POU4F1: variants seen among roughly 807,000 people sequenced by gnomAD.
POU4F1 encodes POU class 4 homeobox 1.
In POU4F1, 5 loss-of-function variants were observed where a neutral mutation model predicts 19.8. The observed-to-expected ratio is 0.25, with a 90% CI of 0.13 to 0.53. The LOEUF (loss-of-function observed/expected upper bound fraction) is 0.53, where lower values mean the gene tolerates loss of function less well. Ranked by LOEUF, POU4F1 falls within the 20% of genes least tolerant of loss-of-function variation. POU4F1 has a pLI of 0.96. For synonymous variants in POU4F1, 266 were observed against 247.7 expected (o/e 1.07, Z -0.69); for missense variants, 408 against 511.6 (o/e 0.80, Z 1.95).
In POU4F1 at chr13:78,603,435, C is replaced by A; in HGVS notation, c.-109G>T. On this transcript the variant is annotated 5_prime_UTR_variant, in exon 1 of 2. Transcript: ENST00000377208. Reference sequence around the variant, plus strand: ...GAGGCTGCAGCCGCGGCGGTCGCGGCGGCTGGCGGCGGCCCCGCCGCGGGC... The same window carrying A: ...GAGGCTGCAGCCGCGGCGGTCGCGGAGGCTGGCGGCGGCCCCGCCGCGGGC... 5.9e-6 allele frequency: 8 copies of A among 1,354,800 alleles called. No homozygotes were observed. In the South Asian group the frequency reaches 1.5e-4, roughly 26 times the overall value. 83.9% of individuals were successfully genotyped at this position (1,354,800 alleles called of 1,614,324 possible).
At position 78,603,510 on chromosome 13, in the gene POU4F1, G is replaced by C. The variant is rs1874797651; in HGVS notation, c.-184C>G. On this transcript the variant is annotated 5_prime_UTR_variant, in exon 1 of 2. Coordinates refer to ENST00000377208, the MANE Select transcript of POU4F1 (RefSeq NM_006237.4). ...CAGGCGCTCCCTCTGACCGCGCAGAGCGCCGCGCGCCGGCCTCGCGGTCCC... is the reference window on the plus strand; with the variant it reads ...CAGGCGCTCCCTCTGACCGCGCAGACCGCCGCGCGCCGGCCTCGCGGTCCC... 5.1e-6 allele frequency: 5 copies of C among 970,982 alleles called. No individual in the cohort carries two copies. The highest frequency in any genetic ancestry group is 4.1e-4 in the Middle Eastern group (1 of 2,456). 60.1% of individuals were successfully genotyped at this position (970,982 alleles called of 1,614,324 possible). A position where few individuals can be genotyped will look rare whatever the true frequency, so the allele number is the denominator to read the frequency against.
chr13:78,601,547 C>T lies in POU4F1; in HGVS notation c.1128G>A (p.Val376=), dbSNP rs1231479480. The part of the protein sequence containing the change: ...EKRSLEAYFA[V]QPRPSSEKIA... ...TCTTCTCGGACGAGGGCCGGGGCTG[C>T]ACGGCGAAGTAGGCCTCGAGGGAGC... is the stretch of plus-strand genomic sequence containing the variant. The change falls in exon 2 of 2, where the codon GTG becomes GTA. Residue 376 remains valine (V), a synonymous_variant. Transcript: ENST00000377208. The T allele has an allele frequency of 6.2e-7, 1 of 1,613,832 alleles. No homozygotes were observed. The highest frequency in any genetic ancestry group is 2.2e-5 in the East Asian group (1 of 44,864).
chr13:78,603,478 C>T lies in POU4F1; in HGVS notation c.-152G>A. 2.5e-6 allele frequency: 3 copies of T among 1,213,960 alleles called. No individual in the cohort carries two copies. The highest frequency in any genetic ancestry group is 3.1e-6 in the Non-Finnish European group (3 of 964,446). 75.2% of individuals were successfully genotyped at this position (1,213,960 alleles called of 1,614,324 possible). On this transcript the variant is annotated 5_prime_UTR_variant, in exon 1 of 2. Transcript: ENST00000377208. ...CCGCGGGCTGCTGCTGCTGCTCCTG[C>T]TGCTGCCAGGCGCTCCCTCTGACCG...
chr13:78,603,245 T>C lies in POU4F1; in HGVS notation c.82A>G (p.Ser28Gly), dbSNP rs1195597220. 2 of 1,569,164 alleles carry C rather than the reference T, an allele frequency of 1.3e-6. No homozygotes were observed. The highest frequency in any genetic ancestry group is 1.7e-6 in the Non-Finnish European group (2 of 1,159,620). ...CAGGCCCGCCGGATGGCCTCGGAGCTGGAGTGCAGCGACGGGTACTTGTGC... is the reference window on the plus strand; with the variant it reads ...CAGGCCCGCCGGATGGCCTCGGAGCCGGAGTGCAGCGACGGGTACTTGTGC... The part of the protein sequence containing the change: ...PEHKYPSLHS[S>G]SEAIRRACLP... The change falls in exon 1 of 2, where the codon AGC becomes GGC. Residue 28 changes from serine to glycine, a missense_variant. Ser to Gly is a moderately conservative substitution (Grantham distance 56). This residue lies in a region of POU4F1 where 294 missense variants were observed against 288.2 expected (regional missense o/e 1.02). Coordinates refer to ENST00000377208, the MANE Select transcript of POU4F1 (RefSeq NM_006237.4).
Position 78,603,385 on chromosome 13 carries a change from C to A in POU4F1, c.-59G>T. On this transcript the variant is annotated 5_prime_UTR_variant, in exon 1 of 2. Coordinates refer to ENST00000377208, the MANE Select transcript of POU4F1 (RefSeq NM_006237.4). ...CCGAAAGTCCGCGGGAAAGTGCGTA[C>A]GCCGGCTCACCCGGCCTCCCTTCGG... 3 of 1,526,746 alleles carry A rather than the reference C, an allele frequency of 2.0e-6. No homozygotes were observed. The highest frequency in any genetic ancestry group is 4.0e-5 in the Admixed American group (2 of 50,280). 94.6% of individuals were successfully genotyped at this position (1,526,746 alleles called of 1,614,324 possible).
rs1874681027 is a variant in POU4F1 at position 78,601,235 on chromosome 13, A to C, written c.*180T>G. ...ACCCAGCACCCCAGTCCTCAAGGCT[A>C]GGGGACAGCAAAGGCAGGAAAATCA... On this transcript the variant is annotated 3_prime_UTR_variant, in exon 2 of 2. Coordinates refer to ENST00000377208, the MANE Select transcript of POU4F1 (RefSeq NM_006237.4). The C allele has an allele frequency of 2.1e-6, 2 of 938,470 alleles. No individual in the cohort carries two copies. Among genetic ancestry groups the C allele is most frequent in the Non-Finnish European group, 2.9e-6 (2 of 692,866 alleles). The allele number at this position is 938,470 out of a possible 1,614,324, so 58.1% of individuals were successfully genotyped here.
rs1359670108 is a variant in POU4F1, at chr13:78,598,861, G to C, written c.*2554C>G. The C allele has an allele frequency of 1.3e-5, 2 of 152,234 alleles. No homozygotes were observed. The highest frequency in any genetic ancestry group is 3.9e-4 in the East Asian group (2 of 5,174). The allele number at this position is 152,234 out of a possible 1,614,324, so 9.4% of individuals were successfully genotyped here. On this transcript the variant is annotated 3_prime_UTR_variant, in exon 2 of 2. Transcript: ENST00000377208. ...TTTTTTGGGTGCCTGGTTATTTATTGGTTTTCACCACTCTGGATCAAGTGC... is the reference window on the plus strand; with the variant it reads ...TTTTTTGGGTGCCTGGTTATTTATTCGTTTTCACCACTCTGGATCAAGTGC...
rs1319199005 is a variant in POU4F1, at chr13:78,603,444, G to A, written c.-118C>T. ...GCCGCGGCGGTCGCGGCGGCTGGCG[G>A]CGGCCCCGCCGCGGGCTGCTGCTGC... On this transcript the variant is annotated 5_prime_UTR_variant, in exon 1 of 2. Coordinates refer to ENST00000377208, the MANE Select transcript of POU4F1 (RefSeq NM_006237.4). The A allele has an allele frequency of 3.0e-6, 4 of 1,332,602 alleles. No homozygotes were observed. The highest frequency in any genetic ancestry group is 3.8e-6 in the Non-Finnish European group (4 of 1,040,054). The allele number at this position is 1,332,602 out of a possible 1,614,324, so 82.5% of individuals were successfully genotyped here.
rs1433120014 is a variant in POU4F1, at chr13:78,602,265, G to GCCGCGC, written c.404_409dup (p.Gly135_Ala136dup). On this transcript the variant is annotated inframe_insertion, in exon 2 of 2. Transcript: ENST00000377208. ...GTCGTGGGCGCCGCCGCCGCCGGCC[G>GCCGCGC]CCGCGCCCGCGCCGCCCGCGCCGGC... 4.5e-6 allele frequency: 5 copies of GCCGCGC among 1,113,210 alleles called. No individual in the cohort carries two copies. The African/African-American group carries it at 8.3e-5, about 19-fold the overall frequency. 69.0% of individuals were successfully genotyped at this position (1,113,210 alleles called of 1,614,324 possible). A position where few individuals can be genotyped will look rare whatever the true frequency, so the allele number is the denominator to read the frequency against.
rs1874583360 is a variant in POU4F1 at position 78,598,659 on chromosome 13, T to A, written c.*2756A>T. ...TTTGTACATTTGGCATCTGATCTAG[T>A]CCCAAGTCACCAAGAAATAGAGGCT... On this transcript the variant is annotated 3_prime_UTR_variant, in exon 2 of 2. Coordinates refer to ENST00000377208, the MANE Select transcript of POU4F1 (RefSeq NM_006237.4). The A allele has an allele frequency of 6.6e-6, 1 of 152,176 alleles. No individual in the cohort carries two copies. The allele number at this position is 152,176 out of a possible 1,614,324, so 9.4% of individuals were successfully genotyped here. A position where few individuals can be genotyped will look rare whatever the true frequency, so the allele number is the denominator to read the frequency against.
chr13:78,603,350 C>T lies in POU4F1; in HGVS notation c.-24G>A. The stretch of plus-strand genomic sequence containing the variant: ...ATCGTGGCGGCTTGGCATGTATATC[C>T]ACAAACACTCCGAAAGTCCGCGGGA... On this transcript the variant is annotated 5_prime_UTR_variant, in exon 1 of 2. Coordinates refer to ENST00000377208, the MANE Select transcript of POU4F1 (RefSeq NM_006237.4). 6.4e-7 allele frequency: 1 copy of T among 1,561,494 alleles called. No homozygotes were observed. The highest frequency in any genetic ancestry group is 1.2e-5 in the South Asian group (1 of 86,404).
In POU4F1 at chr13:78,601,414, C is replaced by G; in HGVS notation, c.*1G>C. 1 of 1,613,700 alleles carries G rather than the reference C, an allele frequency of 6.2e-7. No individual in the cohort carries two copies. Among genetic ancestry groups the G allele is most frequent in the South Asian group, 1.1e-5 (1 of 91,084 alleles). ...GTCCCGCCCGACACCTCCCAGCCCC[C>G]TCAGTAAGTGGCAGAGAATTTCATC... On this transcript the variant is annotated 3_prime_UTR_variant, in exon 2 of 2. Transcript: ENST00000377208.
Position 78,603,499 on chromosome 13 carries a change from G to A in POU4F1, c.-173C>T. ...CCTGCTGCTGCCAGGCGCTCCCTCTGACCGCGCAGAGCGCCGCGCGCCGGC... is the reference window on the plus strand; with the variant it reads ...CCTGCTGCTGCCAGGCGCTCCCTCTAACCGCGCAGAGCGCCGCGCGCCGGC... On this transcript the variant is annotated 5_prime_UTR_variant, in exon 1 of 2. Coordinates refer to ENST00000377208, the MANE Select transcript of POU4F1 (RefSeq NM_006237.4). The A allele has an allele frequency of 9.2e-7, 1 of 1,089,124 alleles. No homozygotes were observed. The highest frequency in any genetic ancestry group is 1.1e-6 in the Non-Finnish European group (1 of 869,600). 67.5% of individuals were successfully genotyped at this position (1,089,124 alleles called of 1,614,324 possible). A position where few individuals can be genotyped will look rare whatever the true frequency, so the allele number is the denominator to read the frequency against.
chr13:78,601,538 C>A lies in POU4F1; in HGVS notation c.1137G>T (p.Arg379=), dbSNP rs1874696083. Residue 379 remains arginine (R), a synonymous_variant, in exon 2 of 2, where the codon CGG becomes CGT. Transcript: ENST00000377208. Reference sequence around the variant, plus strand: ...TGGCGGCGATCTTCTCGGACGAGGGCCGGGGCTGCACGGCGAAGTAGGCCT... The same window carrying A: ...TGGCGGCGATCTTCTCGGACGAGGGACGGGGCTGCACGGCGAAGTAGGCCT... The part of the protein sequence containing the change: ...SLEAYFAVQP[R]PSSEKIAAIA... The A allele has an allele frequency of 6.2e-7, 1 of 1,613,886 alleles. No homozygotes were observed. Among genetic ancestry groups the A allele is most frequent in the South Asian group, 1.1e-5 (1 of 91,094 alleles).
Position 78,600,854 on chromosome 13 carries a change from T to G in POU4F1, c.*561A>C. On this transcript the variant is annotated 3_prime_UTR_variant, in exon 2 of 2. Coordinates refer to ENST00000377208, the MANE Select transcript of POU4F1 (RefSeq NM_006237.4). ...GGTGGTAATAATGGTGGTGCTCTTT[T>G]TTCTCTTCTATGGGGGAAAATGAAG... is the stretch of plus-strand genomic sequence containing the variant. The G allele has an allele frequency of 6.5e-6, 1 of 154,730 alleles. No homozygotes were observed. The highest frequency in any genetic ancestry group is 1.4e-5 in the Non-Finnish European group (1 of 69,484). 9.6% of individuals were successfully genotyped at this position (154,730 alleles called of 1,614,324 possible). A position where few individuals can be genotyped will look rare whatever the true frequency, so the allele number is the denominator to read the frequency against.
chr13:78,602,366 G>A lies in POU4F1; in HGVS notation c.309C>T (p.His103=). 1 of 1,512,140 alleles carries A rather than the reference G, an allele frequency of 6.6e-7. No individual in the cohort carries two copies. Among genetic ancestry groups the A allele is most frequent in the Non-Finnish European group, 8.8e-7 (1 of 1,132,444 alleles). 93.7% of individuals were successfully genotyped at this position (1,512,140 alleles called of 1,614,324 possible). A position where few individuals can be genotyped will look rare whatever the true frequency, so the allele number is the denominator to read the frequency against. The change falls in exon 2 of 2, where the codon CAC becomes CAT. Residue 103 remains histidine, a synonymous_variant. Transcript: ENST00000377208. The part of the protein sequence containing the change: ...TSTVPLAHHH[H]HHHHHQALEP... ...CGAGCGCCTGGTGGTGGTGGTGGTG[G>A]TGGTGGTGGTGCGCCAGAGGCACCG... is the stretch of plus-strand genomic sequence containing the variant.
intron 1 of POU4F1, 39 bp downstream of exon 1, chr13:78,603,165 C>A (rs1472623189): frequency 2.3e-6 from 3 of 1,318,590 alleles, no homozygotes; most frequent in East Asian, 3.1e-5. Flanking sequence ...CGGGGAGGGG[C>A]GGGCGCGCGG....
Position 78,602,370 on chromosome 13 carries a change from TG to T in POU4F1, c.304del (p.His102ThrfsTer107). On this transcript the variant is annotated frameshift_variant, in exon 2 of 2. Coordinates refer to ENST00000377208, the MANE Select transcript of POU4F1 (RefSeq NM_006237.4). LOFTEE classifies it high-confidence loss of function. ...CGCCTGGTGGTGGTGGTGGTGGTGG[TG>T]GTGGTGCGCCAGAGGCACCGTGGAA... Reference protein sequence around the residue: ...STSTVPLAHHHHHHHHHQALE... With the variant: ...STSTVPLAHHXHHHHHHQALE... The T allele has an allele frequency of 6.6e-7, 1 of 1,514,730 alleles. No homozygotes were observed. The allele number at this position is 1,514,730 out of a possible 1,614,324, so 93.8% of individuals were successfully genotyped here.
In POU4F1 at chr13:78,602,025, G is replaced by A; in HGVS notation, c.650C>T (p.Pro217Leu). The change falls in exon 2 of 2, where the codon CCC (proline) becomes CTC (leucine). Residue 217 changes from proline to leucine, a missense_variant. Physicochemically the swap from Pro to Leu is moderately conservative, Grantham distance 98. This residue lies in a region of POU4F1 where 294 missense variants were observed against 288.2 expected (regional missense o/e 1.02). Coordinates refer to ENST00000377208, the MANE Select transcript of POU4F1 (RefSeq NM_006237.4). ...AMNMPSGLPH[P>L]GLVAAAAHHG... ...GTGCGCCGCCGCCGCCACCAGCCCG[G>A]GGTGCGGCAGCCCGGACGGCATGTT... is the stretch of plus-strand genomic sequence containing the variant. 4 of 772,300 alleles carry A rather than the reference G, an allele frequency of 5.2e-6. No individual in the cohort carries two copies. Among genetic ancestry groups the A allele is most frequent in the Non-Finnish European group, 6.3e-6 (4 of 637,880 alleles). 47.8% of individuals were successfully genotyped at this position (772,300 alleles called of 1,614,324 possible).
Sources: allele counts gnomAD v4.1 joint callset, GRCh38; gene constraint gnomAD v4.1.1; regional missense constraint gnomAD v4.1.1; transcripts MANE v1.5; gene names NCBI Gene and HGNC (gene_info 2026-07-23, HGNC 2026-07-21).